The following ECHDC1 variants were observed in gnomAD, a reference collection of about 807,000 sequenced individuals.
The protein encoded by ECHDC1 is ethylmalonyl-CoA decarboxylase 1, also known as ethylmalonyl-CoA decarboxylase.
A neutral mutation model predicts 29.7 loss-of-function variants in ECHDC1; 29 were observed. The observed-to-expected ratio is 0.98, with a 90% confidence interval of 0.73 to 1.33. The LOEUF (loss-of-function observed/expected upper bound fraction) is 1.33, where lower values mean the gene tolerates loss of function less well. ECHDC1 is among the 40% of genes most tolerant of loss of function. The pLI, the probability that ECHDC1 is intolerant of heterozygous loss-of-function variation, is 0.00. For missense variants in ECHDC1, 328 were observed against 350.0 expected (o/e 0.94, Z 0.50); for synonymous variants, 126 against 123.1 (o/e 1.02, Z -0.15).
chr6:127,329,878 G>C lies in ECHDC1; in HGVS notation c.220+931C>G, dbSNP rs777595579. On this transcript the variant is annotated intron_variant, in intron 2 of 5. Transcript: ENST00000454859. ...AGCACTGGTATAGAGAAATCTCTCT[G>C]AATTCTGGTAAGTGGAGAGAAAAGT... 4.6e-4 allele frequency: 211 copies of C among 455,246 alleles called. 1 individual carries two copies. Among genetic ancestry groups the C allele is most frequent in the South Asian group, 1.7e-3 (108 of 64,338 alleles). 28.2% of individuals were successfully genotyped at this position (455,246 alleles called of 1,614,324 possible).
intron 1 of ECHDC1, among the ~76,000 whole-genome samples, chr6:127,333,871 T>C (rs1017105623): frequency 6.6e-6 from 1 of 152,182 alleles, no homozygotes; most frequent in East Asian, 1.9e-4. Flanking sequence ...TTTTCTATTT[T>C]AGGCATTCTA....
intron 5 of ECHDC1, among the ~76,000 whole-genome samples, chr6:127,312,069 C>G (rs74879710): frequency 6.7e-6 from 1 of 149,956 alleles, no homozygotes; most frequent in Non-Finnish European, 1.5e-5. Context: ...AAAAAAAAAA[C>G]TCACAGGCTG....
intron 5 of ECHDC1, among the ~76,000 whole-genome samples, chr6:127,295,251 C>T (rs562791450): frequency 9.1e-4 from 139 of 152,204 alleles, no homozygotes; most frequent in African/African-American, 3.2e-3. Flanking sequence ...GGGATAAGAA[C>T]GTTTACAGCT....
At chr6:127,333,991 T>C (rs1240843506) in intron 1 of ECHDC1, among the ~76,000 whole-genome samples, 1 of 152,206 alleles carries the variant, frequency 6.6e-6, no homozygotes, top group Non-Finnish European at 1.5e-5. Flanking sequence ...TTTGTGAAGT[T>C]CCTGTGCAAG....
In ECHDC1 at chr6:127,331,709, T is replaced by C. The variant is rs1001466279; in HGVS notation, c.-2-679A>G. 1.7e-5 allele frequency: 11 copies of C among 660,616 alleles called. No individual in the cohort carries two copies. In the South Asian group the frequency reaches 6.8e-4, roughly 41 times the overall value. 40.9% of individuals were successfully genotyped at this position (660,616 alleles called of 1,614,324 possible). ...GCTTCTTCATTCTCCAACTCTTAACTTTTTTAAAATCTAAGAATAAATATA... is the reference window on the plus strand; with the variant it reads ...GCTTCTTCATTCTCCAACTCTTAACCTTTTTAAAATCTAAGAATAAATATA... On this transcript the variant is annotated intron_variant, in intron 1 of 5. Transcript: ENST00000454859.
intron 1 of ECHDC1, among the ~76,000 whole-genome samples, chr6:127,338,893 G>A (rs1416283356): frequency 6.6e-6 from 1 of 152,150 alleles, no homozygotes; most frequent in Non-Finnish European, 1.5e-5. Flanking sequence ...ATACGGGTAT[G>A]TTCTATTTCT....
chr6:127,331,755 AC>A, intron 1 of ECHDC1: 1 of 878,662 alleles, frequency 1.1e-6, no homozygotes, highest in Non-Finnish European at 1.4e-6. Context: ...CCCCTTGGAA[AC>A]AGCCTCTATG....
At chr6:127,316,790 T>G (rs924227256) in intron 3 of ECHDC1, among the ~76,000 whole-genome samples, 2 of 152,042 alleles carry the variant, frequency 1.3e-5, no homozygotes, top group Non-Finnish European at 2.9e-5. Context: ...CTCAGGGTAA[T>G]GACAGGGGAA....
chr6:127,301,592 C>A (rs1299030848), intron 5 of ECHDC1, among the ~76,000 whole-genome samples: 1 of 152,084 alleles, frequency 6.6e-6, no homozygotes, highest in Non-Finnish European at 1.5e-5. Context: ...AAAAAATCAG[C>A]TAGAGGAACT....
intron 5 of ECHDC1, among the ~76,000 whole-genome samples, chr6:127,310,654 G>C (rs903880964): frequency 6.6e-6 from 1 of 152,206 alleles, no homozygotes; most frequent in African/African-American, 2.4e-5. Context: ...TGAAGATGCT[G>C]TGAACACTGT....
chr6:127,304,904 C>G (rs903526045), intron 5 of ECHDC1, among the ~76,000 whole-genome samples: 1 of 152,078 alleles, frequency 6.6e-6, no homozygotes, highest in Non-Finnish European at 1.5e-5. Flanking sequence ...AGCATCCCTA[C>G]AGGATATAGA....
At chr6:127,294,120 T>C (rs1582925406) in intron 5 of ECHDC1, among the ~76,000 whole-genome samples, 1 of 152,164 alleles carries the variant, frequency 6.6e-6, no homozygotes, top group East Asian at 1.9e-4. Context: ...AGTAACAAGA[T>C]AAATATCTTG....
intron 3 of ECHDC1, among the ~76,000 whole-genome samples, chr6:127,324,880 G>A (rs1051994097): frequency 6.6e-6 from 1 of 152,090 alleles, no homozygotes; most frequent in African/African-American, 2.4e-5. Flanking sequence ...GAGTAAATGG[G>A]GAAGAAGACC....
chr6:127,316,305 T>C (rs1320123087), intron 4 of ECHDC1, 145 bp downstream of exon 4: 7 of 627,598 alleles, frequency 1.1e-5, no homozygotes, highest in Admixed American at 6.3e-5. Context: ...ATGATTATCC[T>C]CTACGGCACA....
At chr6:127,326,266 T>A (rs1046463301) in intron 3 of ECHDC1, among the ~76,000 whole-genome samples, 1 of 152,180 alleles carries the variant, frequency 6.6e-6, no homozygotes, top group African/African-American at 2.4e-5. Flanking sequence ...GTGTGGTACT[T>A]CTCCCCGCCC....
intron 5 of ECHDC1, among the ~76,000 whole-genome samples, chr6:127,310,417 A>G (rs577119958): frequency 3.9e-5 from 6 of 152,276 alleles, no homozygotes; most frequent in African/African-American, 1.4e-4. Context: ...GTTGTTTTCA[A>G]TCCTCATGGT....
At chr6:127,309,187 T>C (rs899650942) in intron 5 of ECHDC1, among the ~76,000 whole-genome samples, 1 of 151,980 alleles carries the variant, frequency 6.6e-6, no homozygotes, top group African/African-American at 2.4e-5. Context: ...AGGAATCACA[T>C]TACCTGACTT....
chr6:127,316,894 T>A (rs75456445), intron 3 of ECHDC1, among the ~76,000 whole-genome samples: 7 of 152,096 alleles, frequency 4.6e-5, no homozygotes, highest in African/African-American at 9.6e-5. Flanking sequence ...CTTTGATTTT[T>A]AAAAAAATAT....
chr6:127,289,840 A>G lies in ECHDC1; in HGVS notation c.*29T>C, dbSNP rs200001010. ...TATACATATTAGTCACTGGAGCTTT[A>G]CTTGGAGTACATCCACACGAAAAAC... is the stretch of plus-strand genomic sequence containing the variant. On this transcript the variant is annotated 3_prime_UTR_variant, in exon 6 of 6. Transcript: ENST00000454859. 369 of 1,572,152 alleles carry G rather than the reference A, an allele frequency of 2.3e-4. 2 individuals carry two copies. The East Asian group carries it at 8.1e-3, about 34-fold the overall frequency.
Sources: gnomAD v4.1 joint callset for allele counts (sites outside exome capture counted in the v4.1 genomes callset) on GRCh38, gnomAD v4.1.1 for gene constraint, MANE v1.5 for transcripts, NCBI Gene and HGNC (gene_info 2026-07-23, HGNC 2026-07-21) for gene names.